GRM7: variants seen among roughly 807,000 people sequenced by gnomAD.
GRM7 encodes the protein metabotropic glutamate receptor 7.
Under a neutral mutation model 84.5 loss-of-function variants are expected in GRM7, and 35 were observed. The observed-to-expected ratio is 0.41, with a 90% confidence interval of 0.32 to 0.55. GRM7 has a LOEUF of 0.55. Among genes scored for constraint, GRM7 ranks in the 20% least tolerant of loss-of-function variants. The pLI, the probability that GRM7 is intolerant of heterozygous loss-of-function variation, is 0.19. For synonymous variants in GRM7, 487 were observed against 455.1 expected (o/e 1.07, Z -0.89); for missense variants, 1,003 against 1,194.6 (o/e 0.84, Z 2.36).
At chr3:7,521,281 C>T (rs1387177008) in intron 7 of GRM7, among the ~76,000 whole-genome samples, 1 of 152,166 alleles carries the variant, frequency 6.6e-6, no homozygotes, top group East Asian at 1.9e-4. Flanking sequence ...GGTAAAACCG[C>T]AGTTCTTGGT....
At chr3:7,523,887 A>G (rs1368788518) in intron 7 of GRM7, among the ~76,000 whole-genome samples, 3 of 152,122 alleles carry the variant, frequency 2.0e-5, no homozygotes, top group Admixed American at 1.3e-4. Context: ...TAAAATTTCA[A>G]GACTTTGAGG....
intron 2 of GRM7, among the ~76,000 whole-genome samples, chr3:7,182,897 T>TTG (rs532967969): frequency 2.7e-4 from 12 of 43,868 alleles, no homozygotes; most frequent in African/African-American, 1.9e-3. Context: ...CGTGAAAGTG[T>TTG]TTTTTTTTTT....
intron 2 of GRM7, among the ~76,000 whole-genome samples, chr3:7,214,488 C>A (rs973341660): frequency 6.6e-6 from 1 of 152,156 alleles, no homozygotes; most frequent in African/African-American, 2.4e-5. Flanking sequence ...TTCTGGATAA[C>A]GGAGCTATGT....
intron 4 of GRM7, among the ~76,000 whole-genome samples, chr3:7,310,404 C>T (rs1354229382): frequency 6.6e-6 from 1 of 152,078 alleles, no homozygotes; most frequent in Non-Finnish European, 1.5e-5. Flanking sequence ...TGAATGAATT[C>T]TTTATTTTTC....
At chr3:7,591,235 TA>T (rs1165548991) in intron 8 of GRM7, among the ~76,000 whole-genome samples, 1 of 152,106 alleles carries the variant, frequency 6.6e-6, no homozygotes, top group Non-Finnish European at 1.5e-5. Context: ...CTGTTAAACA[TA>T]AAAAAGACTT....
chr3:7,732,361 AAC>A (rs1416684852), intron 9 of GRM7, among the ~76,000 whole-genome samples: 2 of 152,214 alleles, frequency 1.3e-5, no homozygotes, highest in African/African-American at 4.8e-5. Flanking sequence ...TAATGTCAGA[AAC>A]ACACATGAGA....
chr3:7,081,164 C>A (rs1698263262), intron 1 of GRM7, among the ~76,000 whole-genome samples: 3 of 152,000 alleles, frequency 2.0e-5, no homozygotes, highest in South Asian at 4.1e-4. Flanking sequence ...TATTATGCCT[C>A]ACGTTATTGC....
At chr3:7,038,317 G>A (rs1054463561) in intron 1 of GRM7, among the ~76,000 whole-genome samples, 3 of 152,100 alleles carry the variant, frequency 2.0e-5, no homozygotes, top group African/African-American at 7.2e-5. Context: ...CTTATTGACC[G>A]GGCTTCTTAA....
intron 1 of GRM7, among the ~76,000 whole-genome samples, chr3:6,891,502 G>A (rs1695943911): frequency 2.0e-5 from 3 of 152,124 alleles, no homozygotes; most frequent in African/African-American, 7.2e-5. Context: ...GGCTTAGTTT[G>A]GCTGGATATG....
intron 2 of GRM7, among the ~76,000 whole-genome samples, chr3:7,173,702 C>T (rs73124136): frequency 1.3e-5 from 2 of 151,986 alleles, no homozygotes; most frequent in Non-Finnish European, 2.9e-5. Flanking sequence ...CTCTCCTAGG[C>T]GTCCCCAGCC....
At chr3:7,483,329 C>A (rs1246378546) in intron 7 of GRM7, among the ~76,000 whole-genome samples, 1 of 152,160 alleles carries the variant, frequency 6.6e-6, no homozygotes, top group African/African-American at 2.4e-5. Flanking sequence ...AGGCCAGGCT[C>A]CTTTATGAAC....
At chr3:7,628,542 C>T (rs1697724598) in intron 8 of GRM7, among the ~76,000 whole-genome samples, 1 of 152,056 alleles carries the variant, frequency 6.6e-6, no homozygotes, top group South Asian at 2.1e-4. Context: ...TATTATATTG[C>T]CAACATCATC....
chr3:7,048,802 A>G (rs191708036), intron 1 of GRM7, among the ~76,000 whole-genome samples: 3 of 152,060 alleles, frequency 2.0e-5, no homozygotes, highest in East Asian at 1.9e-4. Context: ...ACCATGCTGT[A>G]CAATAGATCT....
chr3:7,413,779 G>A (rs1236160418), intron 4 of GRM7, among the ~76,000 whole-genome samples: 2 of 152,278 alleles, frequency 1.3e-5, no homozygotes, highest in African/African-American at 2.4e-5. Flanking sequence ...CCATGGAAGA[G>A]CTTCATAGCA....
rs949270767 is a variant in GRM7, at chr3:6,862,887, G to A, written c.519+980G>A. On this transcript the variant is annotated intron_variant, in intron 1 of 9. Transcript: ENST00000357716. The surrounding 1 kb of genome is among the most constrained non-coding windows in gnomAD (Gnocchi z 5.2). ...TCCTGCTCCGGTGCCGGAGGGAGACGGAGAAAAAATGGGAGGAAGGCGGAT... is the reference window on the plus strand; with the variant it reads ...TCCTGCTCCGGTGCCGGAGGGAGACAGAGAAAAAATGGGAGGAAGGCGGAT... 15 of 412,628 alleles carry A rather than the reference G, an allele frequency of 3.6e-5. No homozygotes were observed. Among genetic ancestry groups the A allele is most frequent in the African/African-American group, 1.4e-4 (7 of 48,374 alleles). The allele number at this position is 412,628 out of a possible 1,614,324, so 25.6% of individuals were successfully genotyped here.
intron 2 of GRM7, among the ~76,000 whole-genome samples, chr3:7,162,818 G>A (rs1694675935): frequency 1.6e-5 from 2 of 124,900 alleles, no homozygotes; most frequent in Admixed American, 2.0e-4. Flanking sequence ...GGAGTGCAGT[G>A]GTGTGATCTC....
chr3:7,076,121 A>C (rs1050153882), intron 1 of GRM7, among the ~76,000 whole-genome samples: 1 of 152,176 alleles, frequency 6.6e-6, no homozygotes, highest in East Asian at 1.9e-4. Flanking sequence ...GAGTGCAAAT[A>C]TGGGTTATTT....
intron 8 of GRM7, chr3:7,607,303 A>G (rs1021799220): frequency 7.0e-6 from 1 of 143,878 alleles, no homozygotes; most frequent in Non-Finnish European, 1.5e-5. Flanking sequence ...TAAGCATTGT[A>G]GTGGTTCTGT....
intron 1 of GRM7, among the ~76,000 whole-genome samples, chr3:7,045,627 T>C (rs931480583): frequency 5.9e-5 from 9 of 152,190 alleles, no homozygotes; most frequent in Admixed American, 4.6e-4. Context: ...ATATAAGTGA[T>C]ATTGTGAACT....
Sources: allele counts gnomAD v4.1 joint callset (sites outside exome capture counted in the v4.1 genomes callset), GRCh38; gene constraint gnomAD v4.1.1; non-coding constraint Gnocchi (gnomAD v3.1); transcripts MANE v1.5; gene names NCBI Gene and HGNC (gene_info 2026-07-23, HGNC 2026-07-21).